Variants in LIMCH1 observed in about 807,000 individuals in gnomAD.
LIMCH1 encodes the protein LIM and calponin homology domains-containing protein 1.
In LIMCH1, 113 loss-of-function variants were observed where a neutral mutation model predicts 176.5. The ratio of observed to expected loss-of-function variants is 0.64; its 90% confidence interval spans 0.55 to 0.75. LIMCH1 has a LOEUF of 0.75. Among genes scored for constraint, LIMCH1 ranks in the 30% least tolerant of loss-of-function variants. The pLI is 0.00. For synonymous variants in LIMCH1, 619 were observed against 645.9 expected (o/e 0.96, Z 0.63); for missense variants, 1,674 against 1,814.9 (o/e 0.92, Z 1.41).
chr4:41,640,566 T>C (rs1029243603), intron 14 of LIMCH1, among the ~76,000 whole-genome samples: 2 of 152,154 alleles, frequency 1.3e-5, no homozygotes, highest in Admixed American at 6.5e-5. Flanking sequence ...GAGCTTTTTT[T>C]CCAGAGCTCT....
At chr4:41,599,183 A>G (rs1191386064) in intron 2 of LIMCH1, 157 bp downstream of exon 2, 1 of 569,124 alleles carries the variant, frequency 1.8e-6, no homozygotes, top group Non-Finnish European at 3.2e-6. Flanking sequence ...ACTCACATTG[A>G]CTTTCCCTCT....
At chr4:41,385,397 T>C (rs777040251) in intron 1 of LIMCH1, among the ~76,000 whole-genome samples, 4 of 152,236 alleles carry the variant, frequency 2.6e-5, no homozygotes, top group Non-Finnish European at 5.9e-5. Flanking sequence ...AGATTTTTTT[T>C]CTAATGTTTT....
At chr4:41,430,680 T>A (rs772158602) in intron 1 of LIMCH1, among the ~76,000 whole-genome samples, 3 of 152,238 alleles carry the variant, frequency 2.0e-5, no homozygotes, top group Non-Finnish European at 4.4e-5. Flanking sequence ...AGAACTTAAA[T>A]ATGATGAAGA....
intron 31 of LIMCH1, among the ~76,000 whole-genome samples, chr4:41,693,500 A>G (rs893731035): frequency 6.6e-6 from 1 of 151,644 alleles, no homozygotes. Flanking sequence ...AGCCGCTGCT[A>G]TCAAACTGGA....
intron 7 of LIMCH1, among the ~76,000 whole-genome samples, chr4:41,620,953 A>AT (rs2092529939): frequency 6.6e-6 from 1 of 152,180 alleles, no homozygotes; most frequent in African/African-American, 2.4e-5. Flanking sequence ...TGTATTTGTG[A>AT]TCAGTCATGT....
At chr4:41,472,780 T>A (rs527915044) in intron 1 of LIMCH1, among the ~76,000 whole-genome samples, 7 of 152,274 alleles carry the variant, frequency 4.6e-5, no homozygotes, top group African/African-American at 1.7e-4. Flanking sequence ...GAAACAGTAT[T>A]TTATCCCCCT....
At chr4:41,361,165 G>T (rs1439896678) in intron 1 of LIMCH1, among the ~76,000 whole-genome samples, 1 of 152,200 alleles carries the variant, frequency 6.6e-6, no homozygotes, top group Non-Finnish European at 1.5e-5. Flanking sequence ...GTCTAGCTGC[G>T]CGCGTGAGGG....
intron 1 of LIMCH1, among the ~76,000 whole-genome samples, chr4:41,426,824 C>T (rs774021400): frequency 4.0e-4 from 61 of 152,310 alleles, no homozygotes; most frequent in Admixed American, 1.2e-3. Context: ...TTACAGTTGA[C>T]GTGGGTTTTC....
chr4:41,377,447 T>C (rs2054934387), intron 1 of LIMCH1, among the ~76,000 whole-genome samples: 1 of 152,128 alleles, frequency 6.6e-6, no homozygotes, highest in South Asian at 2.1e-4. Context: ...CTGCTCACAG[T>C]GCGAGGGGAG....
At chr4:41,565,390 C>G (rs949806898) in intron 1 of LIMCH1, among the ~76,000 whole-genome samples, 3 of 146,972 alleles carry the variant, frequency 2.0e-5, no homozygotes, top group Admixed American at 1.3e-4. Flanking sequence ...CACATACACA[C>G]ACACACAGAC....
intron 1 of LIMCH1, among the ~76,000 whole-genome samples, chr4:41,420,347 CT>C (rs1293228662): frequency 6.6e-6 from 1 of 152,104 alleles, no homozygotes; most frequent in African/African-American, 2.4e-5. Context: ...TTTTTCATGC[CT>C]GTTGAAGTAT....
intron 1 of LIMCH1, among the ~76,000 whole-genome samples, chr4:41,367,393 C>T (rs923620642): frequency 6.6e-6 from 1 of 152,158 alleles, no homozygotes; most frequent in African/African-American, 2.4e-5. Flanking sequence ...CATGTTTCCA[C>T]TGTCCTGCAT....
intron 1 of LIMCH1, among the ~76,000 whole-genome samples, chr4:41,545,098 G>A (rs2079186626): frequency 6.6e-6 from 1 of 152,166 alleles, no homozygotes; most frequent in Non-Finnish European, 1.5e-5. Flanking sequence ...GCCAATACAA[G>A]GGTAAAACAG....
chr4:41,453,114 A>T (rs1188679634), intron 1 of LIMCH1, among the ~76,000 whole-genome samples: 2 of 152,214 alleles, frequency 1.3e-5, no homozygotes, highest in Non-Finnish European at 2.9e-5. Context: ...CTCTAGAAGG[A>T]CTGCAGCAAA....
At chr4:41,478,518 CT>C (rs1336160078) in intron 1 of LIMCH1, among the ~76,000 whole-genome samples, 1 of 152,096 alleles carries the variant, frequency 6.6e-6, no homozygotes, top group East Asian at 1.9e-4. Flanking sequence ...AGTTTGATGC[CT>C]TTTTAAATGC....
At chr4:41,453,055 A>G (rs1027635800) in intron 1 of LIMCH1, among the ~76,000 whole-genome samples, 4 of 152,190 alleles carry the variant, frequency 2.6e-5, no homozygotes, top group African/African-American at 7.2e-5. Context: ...TGTTGCTGAC[A>G]CAAAGGATAT....
chr4:41,408,389 T>C lies in LIMCH1; in HGVS notation c.96+47453T>C, dbSNP rs190541211. Among the ~76,000 whole-genome samples the C allele has an allele frequency of 2.8e-4, 43 of 152,318 alleles. No homozygotes were observed. In the East Asian group the frequency reaches 7.3e-3, roughly 26 times the overall value. On this transcript the variant is annotated intron_variant, in intron 1 of 26. Coordinates refer to the LIMCH1 transcript ENST00000313860. The stretch of plus-strand genomic sequence containing the variant: ...GGATTTCTCTGACTTTATGCAAATA[T>C]AACATGACTCCACTGTGAATGTGTT...
intron 21 of LIMCH1, among the ~76,000 whole-genome samples, chr4:41,670,454 A>G (rs1475250234): frequency 1.3e-5 from 2 of 152,218 alleles, no homozygotes; most frequent in Admixed American, 1.3e-4. Context: ...TTTTAACACT[A>G]TCACCATTAA....
intron 1 of LIMCH1, among the ~76,000 whole-genome samples, chr4:41,366,041 G>T (rs1322106706): frequency 6.6e-6 from 1 of 152,256 alleles, no homozygotes; most frequent in Non-Finnish European, 1.5e-5. Flanking sequence ...GTGAGTGGCA[G>T]TCAGTGCTAG....
Sources: allele counts gnomAD v4.1 joint callset (sites outside exome capture counted in the v4.1 genomes callset), GRCh38; gene constraint gnomAD v4.1.1; transcripts MANE v1.5; gene names NCBI Gene and HGNC (gene_info 2026-07-23, HGNC 2026-07-21).